Variants in ASB4 observed in about 807,000 individuals in gnomAD.
ASB4 encodes ankyrin repeat and SOCS box containing 4, also known as ankyrin repeat and SOCS box protein 4.
Under a neutral mutation model 38.6 loss-of-function variants are expected in ASB4, and 35 were observed. That is an observed-to-expected ratio of 0.91 (90% CI 0.69 to 1.20). The LOEUF is 1.20. ASB4 is among the 50% of genes most tolerant of loss of function. ASB4 has a pLI of 0.00. For missense variants in ASB4, 557 were observed against 527.2 expected, an observed-to-expected ratio of 1.06 and a Z score of -0.55; for synonymous variants, 195 against 201.3, an observed-to-expected ratio of 0.97 and a Z score of 0.26.
rs747442580 is a variant in ASB4, at chr7:95,515,157, CTTTCTCTT to C, written c.488-12654_488-12647del. ...TCCAAGCAATTGTTTTTCTTTCTTT[CTTTCTCTT>C]TCTCTTTCTTTCTTTCTTTCTTTCT... On this transcript the variant is annotated intron_variant, in intron 2 of 4. Coordinates refer to ENST00000325885, the MANE Select transcript of ASB4 (RefSeq NM_016116.3). 1.2e-3 allele frequency among the ~76,000 whole-genome samples: 166 copies of C among 136,558 alleles called. 1 individual carries two copies. Among genetic ancestry groups the C allele is most frequent in the Middle Eastern group, 4.1e-3 (1 of 244 alleles). The allele number at this position is 136,558 out of a possible 152,430, so 89.6% of individuals were successfully genotyped here. A position where few individuals can be genotyped will look rare whatever the true frequency, so the allele number is the denominator to read the frequency against.
At chr7:95,475,698 T>C (rs1320342846), upstream of ASB4, among the ~76,000 whole-genome samples, 2 of 152,206 alleles carry the variant, frequency 1.3e-5, no homozygotes, top group African/African-American at 2.4e-5. Flanking sequence ...ATTTATTTAA[T>C]AGCTAAATTG....
chr7:95,548,515 G>A, the ASB4 span, among the ~76,000 whole-genome samples: 1 of 152,204 alleles, frequency 6.6e-6, no homozygotes, highest in South Asian at 2.1e-4. Flanking sequence ...CTAAACTTTT[G>A]TGTTATTATT....
At chr7:95,542,277 G>C (rs906592880), downstream of ASB4, 2 of 152,104 alleles carry the variant, frequency 1.3e-5, no homozygotes, top group Non-Finnish European at 2.9e-5. Context: ...ATTAGATGCT[G>C]TCTAACTGAG....
At chr7:95,489,888 A>G (rs1790147388) in intron 1 of ASB4, among the ~76,000 whole-genome samples, 1 of 152,240 alleles carries the variant, frequency 6.6e-6, no homozygotes, top group African/African-American at 2.4e-5. Context: ...GGTTACTTCC[A>G]TACTGGAAAG....
chr7:95,515,229 C>CTTTCTTTCT, intron 2 of ASB4, among the ~76,000 whole-genome samples: 2 of 83,172 alleles, frequency 2.4e-5, no homozygotes, highest in South Asian at 7.8e-4. Flanking sequence ...TTCTTTCTTT[C>CTTTCTTTCT]TTTTTCTTTC....
chr7:95,511,419 G>C (rs1790478818), intron 2 of ASB4, among the ~76,000 whole-genome samples: 1 of 152,114 alleles, frequency 6.6e-6, no homozygotes, highest in Non-Finnish European at 1.5e-5. Flanking sequence ...CAAAGACCTG[G>C]GTGGTAAGAG....
chr7:95,525,531 A>G (rs959576310), intron 2 of ASB4, among the ~76,000 whole-genome samples: 2 of 152,162 alleles, frequency 1.3e-5, no homozygotes, highest in Admixed American at 6.6e-5. Flanking sequence ...ACCATGTAGC[A>G]TATCTAGTTG....
intron 2 of ASB4, among the ~76,000 whole-genome samples, chr7:95,507,521 T>C (rs1414966497): frequency 1.3e-5 from 2 of 152,190 alleles, no homozygotes; most frequent in African/African-American, 4.8e-5. Context: ...GTAGCTTTCC[T>C]CTGTGGCACT....
intron 1 of ASB4, among the ~76,000 whole-genome samples, chr7:95,493,442 GA>G (rs1287742552): frequency 1.3e-5 from 2 of 151,728 alleles, no homozygotes; most frequent in Non-Finnish European, 2.9e-5. Context: ...CAGAAAGACA[GA>G]CAAACTTTGG....
chr7:95,542,867 A>G (rs558257058), downstream of ASB4: 6 of 152,366 alleles, frequency 3.9e-5, no homozygotes, highest in Admixed American at 1.3e-4. Context: ...TATATGCTGA[A>G]TCCAGTTATG....
downstream of ASB4, among the ~76,000 whole-genome samples, chr7:95,541,227 A>G (rs1420909607): frequency 6.6e-6 from 1 of 152,238 alleles, no homozygotes; most frequent in African/African-American, 2.4e-5. Context: ...TTTCATTTGT[A>G]AAATGAGAAT....
chr7:95,526,943 A>C (rs930969538), intron 2 of ASB4, among the ~76,000 whole-genome samples: 2 of 152,212 alleles, frequency 1.3e-5, no homozygotes, highest in African/African-American at 4.8e-5. Context: ...TAGAAAAACA[A>C]AATTCACTTA....
intron 2 of ASB4, among the ~76,000 whole-genome samples, chr7:95,512,794 A>G (rs1237422010): frequency 2.0e-5 from 3 of 152,150 alleles, no homozygotes; most frequent in Non-Finnish European, 2.9e-5. Context: ...AGCCCTGTGT[A>G]CGTCAGTCTT....
chr7:95,472,171 C>T, the ASB4 span: 1 of 151,950 alleles, frequency 6.6e-6, no homozygotes, highest in Non-Finnish European at 1.5e-5. Context: ...GTGTGGGTGT[C>T]CCCAGGCTGA....
chr7:95,541,403 G>T (rs1360464050), downstream of ASB4, among the ~76,000 whole-genome samples: 1 of 152,176 alleles, frequency 6.6e-6, no homozygotes, highest in Admixed American at 6.5e-5. Context: ...GCTCCCACCA[G>T]TGGAGTAGTA....
At chr7:95,493,302 TG>T (rs1307821063) in intron 1 of ASB4, among the ~76,000 whole-genome samples, 1 of 151,204 alleles carries the variant, frequency 6.6e-6, no homozygotes, top group Non-Finnish European at 1.5e-5. Context: ...AAGGGAAAGG[TG>T]GGAGAGAGAG....
chr7:95,512,886 TCCTTGGGGC>T (rs1182345149), intron 2 of ASB4, among the ~76,000 whole-genome samples: 1 of 152,170 alleles, frequency 6.6e-6, no homozygotes, highest in Non-Finnish European at 1.5e-5. Flanking sequence ...TAAGTCCTCA[TCCTTGGGGC>T]CTGTGATTAC....
rs956808519 is a variant in ASB4, at chr7:95,504,761, C to A, written c.487+8704C>A. 2.0e-5 allele frequency among the ~76,000 whole-genome samples: 3 copies of A among 152,196 alleles called. No homozygotes were observed. The South Asian group carries it at 6.2e-4, about 32-fold the overall frequency. ...ATTAAATTCTTGACCTCCATCTGCTCAGAGACCCTCTGTTCTCAGATGGCA... is the reference window on the plus strand; with the variant it reads ...ATTAAATTCTTGACCTCCATCTGCTAAGAGACCCTCTGTTCTCAGATGGCA... On this transcript the variant is annotated intron_variant, in intron 2 of 4. Transcript: ENST00000325885.
At chr7:95,497,552 A>T (rs1283442174) in intron 2 of ASB4, among the ~76,000 whole-genome samples, 1 of 152,200 alleles carries the variant, frequency 6.6e-6, no homozygotes, top group Non-Finnish European at 1.5e-5. Context: ...TCCATTTTTT[A>T]AAAAGTCAGT....
Sources: allele counts gnomAD v4.1 joint callset (sites outside exome capture counted in the v4.1 genomes callset), GRCh38; gene constraint gnomAD v4.1.1; transcripts MANE v1.5; gene names NCBI Gene and HGNC (gene_info 2026-07-23, HGNC 2026-07-21).